PDS5B: variants seen among roughly 807,000 people sequenced by gnomAD.
PDS5B encodes PDS5 cohesin associated factor B.
Under a neutral mutation model 184.1 loss-of-function variants are expected in PDS5B, and 51 were observed. That is an observed-to-expected ratio of 0.28 (90% CI 0.22 to 0.35). PDS5B has a LOEUF of 0.35. PDS5B is among the 10% of genes least tolerant of loss of function. The pLI is 1.00. For synonymous variants in PDS5B, 566 were observed against 569.2 expected (o/e 0.99, Z 0.08); for missense variants, 1,180 against 1,723.3 (o/e 0.68, Z 5.58).
chr13:32,716,840 G>C lies in PDS5B; in HGVS notation c.2123+6734G>C, dbSNP rs560375920. Among the ~76,000 whole-genome samples, 45 of 83,376 alleles carry C rather than the reference G, an allele frequency of 5.4e-4. 6 individuals are homozygous for C. The highest frequency in any genetic ancestry group is 1.2e-3 in the Non-Finnish European group (35 of 30,354). 54.7% of individuals were successfully genotyped at this position (83,376 alleles called of 152,430 possible). ...GCCAGCCGCCCTGTCTGGGAGGGAG[G>C]TTGGGGGGTCAGCCCCCCGCCCGGC... On this transcript the variant is annotated intron_variant, in intron 19 of 34. Coordinates refer to ENST00000315596, the MANE Select transcript of PDS5B (RefSeq NM_015032.4).
intron 1 of PDS5B, among the ~76,000 whole-genome samples, chr13:32,621,726 G>A (rs1566254440): frequency 6.6e-6 from 1 of 152,042 alleles, no homozygotes; most frequent in Non-Finnish European, 1.5e-5. Context: ...GCATAAAGCA[G>A]GACTCAGCAA....
chr13:32,704,769 A>G (rs1365164942), intron 17 of PDS5B, among the ~76,000 whole-genome samples: 1 of 152,168 alleles, frequency 6.6e-6, no homozygotes, highest in African/African-American at 2.4e-5. Flanking sequence ...TCCATATGAG[A>G]CTTAGTATGT....
At chr13:32,654,140 G>C (rs1044197470) in intron 3 of PDS5B, among the ~76,000 whole-genome samples, 7 of 151,702 alleles carry the variant, frequency 4.6e-5, no homozygotes, top group Admixed American at 3.9e-4. Context: ...TTTTCTTTTT[G>C]GGGGATAGTA....
chr13:32,751,559 G>A (rs887155696), intron 24 of PDS5B, among the ~76,000 whole-genome samples: 1 of 152,150 alleles, frequency 6.6e-6, no homozygotes, highest in Non-Finnish European at 1.5e-5. Context: ...GTTCTGACTG[G>A]TATGAGATGG....
At chr13:32,634,712 T>C (rs2058512386) in intron 1 of PDS5B, among the ~76,000 whole-genome samples, 1 of 150,366 alleles carries the variant, frequency 6.7e-6, no homozygotes, top group African/African-American at 2.5e-5. Context: ...GCCTCCCGAG[T>C]AGCGGGGATT....
rs1405174801 is a variant in PDS5B, at chr13:32,730,932, CTT to C, written c.2124-1167_2124-1166del. ...CTTCCTCTCTTCCTACTTGAATACT[CTT>C]TGTTTCTTTCTCTTGCCTGATTGCC... On this transcript the variant is annotated intron_variant, in intron 19 of 34. Coordinates refer to ENST00000315596, the MANE Select transcript of PDS5B (RefSeq NM_015032.4). Among the ~76,000 whole-genome samples, 4 of 152,154 alleles carry C rather than the reference CTT, an allele frequency of 2.6e-5. No individual in the cohort carries two copies. In the South Asian group the frequency reaches 6.2e-4, roughly 24 times the overall value.
At chr13:32,600,932 T>A (rs746227298) in intron 1 of PDS5B, among the ~76,000 whole-genome samples, 9 of 152,180 alleles carry the variant, frequency 5.9e-5, no homozygotes, top group Non-Finnish European at 1.3e-4. Flanking sequence ...GCAAATAATT[T>A]GAAGGAGTTT....
chr13:32,592,535 G>A (rs1037134377), intron 1 of PDS5B, among the ~76,000 whole-genome samples: 1 of 141,956 alleles, frequency 7.0e-6, no homozygotes, highest in Non-Finnish European at 1.6e-5. Context: ...GGAATTACAG[G>A]CGTGAGCCAC....
chr13:32,608,396 C>T (rs1292195172), intron 1 of PDS5B, among the ~76,000 whole-genome samples: 3 of 152,198 alleles, frequency 2.0e-5, no homozygotes, highest in Non-Finnish European at 4.4e-5. Context: ...CCCTAAATTA[C>T]ACTTCCATCT....
intron 1 of PDS5B, among the ~76,000 whole-genome samples, chr13:32,643,215 C>A (rs1950142326): frequency 1.3e-5 from 2 of 152,106 alleles, no homozygotes; most frequent in African/African-American, 4.8e-5. Context: ...CAATCTTTCC[C>A]TGGAGTGCTT....
rs1245817177 is a variant in PDS5B, at chr13:32,709,983, C to T, written c.2000C>T (p.Ala667Val). ...SFTHPISFHSAETFESLLACL... is the reference protein window; with the variant it reads ...SFTHPISFHSVETFESLLACL... ...ACACATCCCATCTCATTTCATTCTG[C>T]TGAAACATTTGAATCATTACTGGCT... Residue 667 changes from alanine to valine, a missense_variant, in exon 19 of 35, where the codon GCT (alanine) becomes GTT (valine). Coordinates refer to ENST00000315596, the MANE Select transcript of PDS5B (RefSeq NM_015032.4). The T allele has an allele frequency of 1.3e-6, 2 of 1,501,766 alleles. No individual in the cohort carries two copies. Among genetic ancestry groups the T allele is most frequent in the Non-Finnish European group, 9.0e-7 (1 of 1,108,116 alleles). The allele number at this position is 1,501,766 out of a possible 1,614,324, so 93.0% of individuals were successfully genotyped here.
At chr13:32,624,541 A>G (rs2058344527) in intron 1 of PDS5B, among the ~76,000 whole-genome samples, 1 of 152,174 alleles carries the variant, frequency 6.6e-6, no homozygotes, top group Admixed American at 6.5e-5. Context: ...TTAAAAGTTT[A>G]AACATTCATA....
intron 17 of PDS5B, among the ~76,000 whole-genome samples, chr13:32,704,971 A>G (rs578165930): frequency 3.3e-5 from 5 of 152,244 alleles, no homozygotes; most frequent in Admixed American, 2.6e-4. Flanking sequence ...AATTCTTAGT[A>G]TTTTAAAATA....
At chr13:32,669,003 A>G (rs573733578) in intron 7 of PDS5B, among the ~76,000 whole-genome samples, 3 of 152,300 alleles carry the variant, frequency 2.0e-5, no homozygotes, top group South Asian at 2.1e-4. Flanking sequence ...TCTGTAATCT[A>G]TCTTAATTGC....
At chr13:32,710,890 A>G (rs1952182854) in intron 19 of PDS5B, among the ~76,000 whole-genome samples, 1 of 152,214 alleles carries the variant, frequency 6.6e-6, no homozygotes, top group Non-Finnish European at 1.5e-5. Flanking sequence ...CTAGCTCGCA[A>G]TTAGAGTTTC....
chr13:32,699,935 A>G, intron 16 of PDS5B, 66 bp downstream of exon 16: 1 of 1,395,584 alleles, frequency 7.2e-7, no homozygotes, highest in Non-Finnish European at 9.5e-7. Context: ...TCTCTCTTTT[A>G]TAAAAGTAAT....
rs73451404 is a variant in PDS5B, at chr13:32,588,486, C to T, written c.-20+1893C>T. On this transcript the variant is annotated intron_variant, in intron 1 of 34. Coordinates refer to ENST00000315596, the MANE Select transcript of PDS5B (RefSeq NM_015032.4). ...TTCTGATGGTTTTAAAAATTGTTCTCTTCTCAGCTGGCGTTTACTTAAAGG... is the reference window on the plus strand; with the variant it reads ...TTCTGATGGTTTTAAAAATTGTTCTTTTCTCAGCTGGCGTTTACTTAAAGG... Among the ~76,000 whole-genome samples, 881 of 152,158 alleles carry T rather than the reference C, an allele frequency of 5.8e-3. 13 individuals are homozygous for T. Among genetic ancestry groups the T allele is most frequent in the African/African-American group, 0.02 (831 of 41,526 alleles).
intron 31 of PDS5B, 101 bp from the exon 32 acceptor site, chr13:32,770,020 A>T: frequency 2.1e-6 from 2 of 959,950 alleles, no homozygotes; most frequent in Non-Finnish European, 3.1e-6. Context: ...TTAGGTACAT[A>T]TCTAGGACAA....
chr13:32,716,502 C>T (rs905910494), intron 19 of PDS5B, among the ~76,000 whole-genome samples: 3 of 151,946 alleles, frequency 2.0e-5, no homozygotes, highest in Non-Finnish European at 4.4e-5. Flanking sequence ...CGCCTCCGCC[C>T]AGCAGCCACC....
Sources: allele counts gnomAD v4.1 joint callset (sites outside exome capture counted in the v4.1 genomes callset), GRCh38; gene constraint gnomAD v4.1.1; transcripts MANE v1.5; gene names NCBI Gene and HGNC (gene_info 2026-07-23, HGNC 2026-07-21).